The following FRMD4B variants were observed in gnomAD, a reference collection of about 807,000 sequenced individuals.
FRMD4B encodes the protein FERM domain containing 4B.
FRMD4B carries 74 observed loss-of-function variants against 141.5 expected under a neutral mutation model. That is an observed-to-expected ratio of 0.52 (90% CI 0.43 to 0.63). The LOEUF is 0.63. Among genes scored for constraint, FRMD4B ranks in the 30% least tolerant of loss-of-function variants. The pLI is 0.00. For synonymous variants in FRMD4B, 506 were observed against 467.9 expected (o/e 1.08, Z -1.05); for missense variants, 1,366 against 1,253.4 (o/e 1.09, Z -1.36).
intron 1 of FRMD4B, among the ~76,000 whole-genome samples, chr3:69,367,371 T>C (rs1057112042): frequency 6.6e-6 from 1 of 152,188 alleles, no homozygotes; most frequent in Non-Finnish European, 1.5e-5. Flanking sequence ...GGGCTATACA[T>C]GTCCAGCCCC....
chr3:69,471,288 C>T (rs1705886932), intron 1 of FRMD4B, among the ~76,000 whole-genome samples: 1 of 152,096 alleles, frequency 6.6e-6, no homozygotes, highest in South Asian at 2.1e-4. Flanking sequence ...TCTTCAAATG[C>T]TAGTTTCTTC....
chr3:69,298,070 C>A (rs961282089), intron 4 of FRMD4B, among the ~76,000 whole-genome samples: 1 of 152,092 alleles, frequency 6.6e-6, no homozygotes, highest in African/African-American at 2.4e-5. Context: ...ATTTATTAAC[C>A]CTTCAAATCT....
intron 11 of FRMD4B, among the ~76,000 whole-genome samples, chr3:69,205,304 A>G (rs1575607726): frequency 6.6e-6 from 1 of 151,870 alleles, no homozygotes; most frequent in Admixed American, 6.6e-5. Context: ...AGTAGCTGGG[A>G]CAACAGGTAC....
At chr3:69,433,277 A>G (rs959774700) in intron 1 of FRMD4B, 14 of 152,264 alleles carry the variant, frequency 9.2e-5, no homozygotes, top group Non-Finnish European at 1.5e-4. Context: ...GCCATAAGAT[A>G]TCCTCATTTA....
intron 1 of FRMD4B, among the ~76,000 whole-genome samples, chr3:69,338,751 G>A (rs1373294908): frequency 1.1e-4 from 17 of 152,010 alleles, no homozygotes; most frequent in Non-Finnish European, 2.4e-4. Flanking sequence ...CTTATTACCT[G>A]AGTAACAAAA....
Position 69,332,859 on chromosome 3 carries a change from A to G in FRMD4B, c.163-19342T>C, listed in dbSNP as rs77380202. On this transcript the variant is annotated intron_variant, in intron 1 of 22. Coordinates refer to ENST00000398540, the MANE Select transcript of FRMD4B (RefSeq NM_015123.3). ...CGCCTTAAGCGCTGGGATTACAGGC[A>G]TTATCCACTGTGCCCAGCCAGGAGC... 5.2e-4 allele frequency among the ~76,000 whole-genome samples: 77 copies of G among 147,148 alleles called. No individual in the cohort carries two copies. The Middle Eastern group carries it at 0.012, about 23-fold the overall frequency.
chr3:69,245,313 TTCTTTGTG>T (rs896210155), intron 7 of FRMD4B, among the ~76,000 whole-genome samples: 1 of 125,994 alleles, frequency 7.9e-6, no homozygotes, highest in Admixed American at 8.9e-5. Context: ...TTGCCTGACT[TTCTTTGTG>T]TGTGTGTGTG....
intron 1 of FRMD4B, among the ~76,000 whole-genome samples, chr3:69,522,434 T>C (rs751099291): frequency 3.9e-5 from 6 of 152,088 alleles, no homozygotes; most frequent in Non-Finnish European, 8.8e-5. Flanking sequence ...AAAAAACATT[T>C]AACACTTCTA....
Position 69,196,368 on chromosome 3 carries a change from T to C in FRMD4B, c.1121A>G (p.Asp374Gly), listed in dbSNP as rs1322372438. ...KAKIPSARSL[D>G]EIAMDLTETG... ...CTCTGTCAAATCCATTGCAATCTCA[T>C]CTAAACTCCTGGCTGAAGGAATTTT... Residue 374 changes from aspartate (D) to glycine (G), a missense_variant, in exon 14 of 23, where the codon GAT becomes GGT. Coordinates refer to ENST00000398540, the MANE Select transcript of FRMD4B (RefSeq NM_015123.3). 1 of 1,611,298 alleles carries C rather than the reference T, an allele frequency of 6.2e-7. No individual in the cohort carries two copies. Among genetic ancestry groups the C allele is most frequent in the South Asian group, 1.1e-5 (1 of 90,406 alleles).
At position 69,195,339 on chromosome 3, in the gene FRMD4B, T is replaced by G; in HGVS notation, c.1260A>C (p.Glu420Asp). ...CAAGGATTTTTTCTCTCTTTTGCTC[T>G]TCACTAACTTCTGAGTCTTGAGAAC... Reference protein sequence around the residue: ...SSGSQDSEVSEEQKREKILEL... With the variant: ...SSGSQDSEVSDEQKREKILEL... The change falls in exon 15 of 23, where the codon GAA becomes GAC. Residue 420 changes from glutamate to aspartate, a missense_variant. Coordinates refer to ENST00000398540, the MANE Select transcript of FRMD4B (RefSeq NM_015123.3). 6.2e-7 allele frequency: 1 copy of G among 1,612,680 alleles called. No homozygotes were observed. The highest frequency in any genetic ancestry group is 8.5e-7 in the Non-Finnish European group (1 of 1,179,426).
At chr3:69,243,012 AG>A (rs2093397842) in intron 7 of FRMD4B, among the ~76,000 whole-genome samples, 1 of 150,262 alleles carries the variant, frequency 6.7e-6, no homozygotes, top group African/African-American at 2.5e-5. Context: ...AAAAAAAAAA[AG>A]CTTTGCTTTT....
At chr3:69,229,979 CTT>C (rs553802460) in intron 7 of FRMD4B, among the ~76,000 whole-genome samples, 3 of 142,868 alleles carry the variant, frequency 2.1e-5, no homozygotes, top group Non-Finnish European at 3.1e-5. Context: ...GACTATCAAA[CTT>C]TTTTTTTTTT....
intron 19 of FRMD4B, among the ~76,000 whole-genome samples, chr3:69,184,392 AT>A (rs1332164986): frequency 2.0e-5 from 3 of 152,322 alleles, no homozygotes; most frequent in African/African-American, 7.2e-5. Context: ...TGTACCTAAC[AT>A]TTTATGTTGC....
intron 1 of FRMD4B, among the ~76,000 whole-genome samples, chr3:69,482,677 A>T (rs369586938): frequency 2.4e-4 from 36 of 152,326 alleles, no homozygotes; most frequent in African/African-American, 7.5e-4. Flanking sequence ...TCTTTCACCA[A>T]CTGTTCCTAA....
chr3:69,229,021 T>G (rs199502953), intron 7 of FRMD4B, among the ~76,000 whole-genome samples: 1,660 of 149,232 alleles, frequency 0.011, 70 homozygotes, highest in East Asian at 0.078. Context: ...TCATGTTTTT[T>G]TTTTTTTTTT....
At chr3:69,519,728 G>A (rs1264709586) in intron 1 of FRMD4B, among the ~76,000 whole-genome samples, 1 of 151,830 alleles carries the variant, frequency 6.6e-6, no homozygotes. Context: ...GTGGGATTTT[G>A]GTGCACCCAT....
At chr3:69,536,219 C>G (rs1176889205) in intron 1 of FRMD4B, 3 of 597,534 alleles carry the variant, frequency 5.0e-6, no homozygotes, top group East Asian at 6.4e-5. Flanking sequence ...CTTGGCCTCA[C>G]TTGGTTTCTT....
intron 1 of FRMD4B, among the ~76,000 whole-genome samples, chr3:69,441,674 G>A (rs976584150): frequency 6.6e-5 from 10 of 152,170 alleles, no homozygotes; most frequent in Middle Eastern, 3.2e-3. Flanking sequence ...CCTGGCACAT[G>A]GCAGCTGTTC....
chr3:69,268,939 T>TG (rs1012321274), intron 5 of FRMD4B, among the ~76,000 whole-genome samples: 2 of 151,704 alleles, frequency 1.3e-5, no homozygotes, highest in African/African-American at 4.9e-5. Flanking sequence ...TTTTTTTTTT[T>TG]TTTTTTGAGA....
Sources: gnomAD v4.1 joint callset for allele counts (sites outside exome capture counted in the v4.1 genomes callset) on GRCh38, gnomAD v4.1.1 for gene constraint, MANE v1.5 for transcripts, NCBI Gene and HGNC (gene_info 2026-07-23, HGNC 2026-07-21) for gene names.